The following MYO3B variants were observed in gnomAD, a reference collection of about 807,000 sequenced individuals.
MYO3B encodes the protein myosin IIIB.
MYO3B carries 156 observed loss-of-function variants against 174.6 expected under a neutral mutation model. The ratio of observed to expected loss-of-function variants is 0.89; its 90% confidence interval spans 0.78 to 1.02. The LOEUF (loss-of-function observed/expected upper bound fraction) is 1.02. Among genes scored for constraint, MYO3B ranks in the 50% least tolerant of loss-of-function variants. The probability of loss-of-function intolerance (pLI) is 0.00; values close to 1 mark genes in which losing one functional copy is unlikely to be tolerated. For missense variants in MYO3B, 1,632 were observed against 1,639.4 expected (o/e 1.00, Z 0.08); for synonymous variants, 563 against 569.1 (o/e 0.99, Z 0.15).
intron 23 of MYO3B, among the ~76,000 whole-genome samples, chr2:170,447,556 A>G (rs1683297442): frequency 6.6e-6 from 1 of 152,184 alleles, no homozygotes; most frequent in Non-Finnish European, 1.5e-5. Flanking sequence ...TTAGTTGACA[A>G]ATGAGGCAAA....
chr2:170,235,662 T>G (rs1352460195), intron 6 of MYO3B, among the ~76,000 whole-genome samples: 1 of 152,220 alleles, frequency 6.6e-6, no homozygotes, highest in Non-Finnish European at 1.5e-5. Context: ...AGGTGAAGGA[T>G]GTAGACAAAG....
Position 170,652,089 on chromosome 2 carries a change from T to G in MYO3B, c.3841-19T>G, listed in dbSNP as rs746219970. 15 of 1,609,634 alleles carry G rather than the reference T, an allele frequency of 9.3e-6. No individual in the cohort carries two copies. Among genetic ancestry groups the G allele is most frequent in the Non-Finnish European group, 1.3e-5 (15 of 1,178,980 alleles). ...CTTGCTGCTTTGCTTTGACTGTGTG[T>G]TCTTGGCCCTCTCCACAGGGAACTC... On this transcript the variant is annotated intron_variant, in intron 33 of 34. Transcript: ENST00000408978.
At chr2:170,297,599 G>A (rs1022501694) in intron 7 of MYO3B, among the ~76,000 whole-genome samples, 1 of 152,182 alleles carries the variant, frequency 6.6e-6, no homozygotes, top group African/African-American at 2.4e-5. Flanking sequence ...GCATTTTAAT[G>A]TGATTGCGAT....
At chr2:170,498,198 A>G (rs1221945961) in intron 25 of MYO3B, among the ~76,000 whole-genome samples, 1 of 152,182 alleles carries the variant, frequency 6.6e-6, no homozygotes. Flanking sequence ...GGACTTTGCA[A>G]AGCAGAGTCA....
At chr2:170,554,929 C>T (rs1691182848) in intron 32 of MYO3B, among the ~76,000 whole-genome samples, 1 of 152,202 alleles carries the variant, frequency 6.6e-6, no homozygotes, top group Non-Finnish European at 1.5e-5. Flanking sequence ...ACAACACATA[C>T]TCTCAAGACT....
chr2:170,454,735 T>G (rs1446980844), intron 23 of MYO3B, among the ~76,000 whole-genome samples: 1 of 152,160 alleles, frequency 6.6e-6, no homozygotes, highest in Admixed American at 6.5e-5. Flanking sequence ...AGCCAATTGA[T>G]CAAGACAGGG....
At chr2:170,471,512 G>A (rs927420231) in intron 25 of MYO3B, among the ~76,000 whole-genome samples, 2 of 152,006 alleles carry the variant, frequency 1.3e-5, no homozygotes, top group African/African-American at 4.8e-5. Context: ...CATTATTCTG[G>A]GAGTTTTGTA....
intron 32 of MYO3B, among the ~76,000 whole-genome samples, chr2:170,619,139 T>C (rs1040478953): frequency 6.6e-6 from 1 of 152,152 alleles, no homozygotes; most frequent in Non-Finnish European, 1.5e-5. Flanking sequence ...TCTAGCCCTA[T>C]CTTATCCATA....
intron 7 of MYO3B, among the ~76,000 whole-genome samples, chr2:170,287,398 CTT>C (rs60504137): frequency 3.0e-4 from 45 of 148,744 alleles, no homozygotes; most frequent in Admixed American, 4.0e-4. Flanking sequence ...CTGTTATTGC[CTT>C]TTTTTTTTTC....
intron 25 of MYO3B, among the ~76,000 whole-genome samples, chr2:170,489,081 G>A (rs1220838357): frequency 6.6e-6 from 1 of 152,198 alleles, no homozygotes; most frequent in Non-Finnish European, 1.5e-5. Flanking sequence ...GGTGCACACA[G>A]GAAGAGCTAG....
chr2:170,187,975 T>C (rs2092487771), intron 1 of MYO3B, among the ~76,000 whole-genome samples: 1 of 152,226 alleles, frequency 6.6e-6, no homozygotes, highest in Admixed American at 6.5e-5. Context: ...AACTATCTAA[T>C]AGGTCCATTT....
chr2:170,215,558 C>T (rs551442902), intron 5 of MYO3B, among the ~76,000 whole-genome samples: 3 of 151,726 alleles, frequency 2.0e-5, no homozygotes, highest in Admixed American at 1.3e-4. Flanking sequence ...ACACTTTAAA[C>T]GTGTTTTTTT....
chr2:170,258,941 A>C (rs1178580911), intron 7 of MYO3B, among the ~76,000 whole-genome samples: 1 of 152,178 alleles, frequency 6.6e-6, no homozygotes, highest in Non-Finnish European at 1.5e-5. Flanking sequence ...ACTGAGAGCC[A>C]AATCAAGAAC....
intron 32 of MYO3B, among the ~76,000 whole-genome samples, chr2:170,638,608 G>A (rs1697719752): frequency 6.6e-6 from 1 of 152,110 alleles, no homozygotes; most frequent in Non-Finnish European, 1.5e-5. Flanking sequence ...GGGCCTCTGG[G>A]CTAATGGTTC....
chr2:170,191,796 T>C (rs2161913), intron 1 of MYO3B, among the ~76,000 whole-genome samples: 1 of 152,064 alleles, frequency 6.6e-6, no homozygotes, highest in Non-Finnish European at 1.5e-5. Context: ...CAGATATTGT[T>C]ATCACTCATC....
At chr2:170,652,229 A>G in intron 34 of MYO3B, 75 bp downstream of exon 34, 1 of 1,363,938 alleles carries the variant, frequency 7.3e-7, no homozygotes, top group Middle Eastern at 1.8e-4. Flanking sequence ...AAAATGCAAA[A>G]CTTTCCAGAG....
At chr2:170,485,386 AACAC>A (rs370436580) in intron 25 of MYO3B, among the ~76,000 whole-genome samples, 11,691 of 136,402 alleles carry the variant, frequency 0.086, 577 homozygotes, top group South Asian at 0.21. Flanking sequence ...ATCCTTTCAG[AACAC>A]ACACACACAC....
intron 32 of MYO3B, among the ~76,000 whole-genome samples, chr2:170,594,955 T>G (rs1411005383): frequency 6.6e-6 from 1 of 151,896 alleles, no homozygotes; most frequent in Non-Finnish European, 1.5e-5. Flanking sequence ...TTGACCCAGC[T>G]GAATTTGTGG....
chr2:170,470,775 T>A (rs1222899401), intron 25 of MYO3B, among the ~76,000 whole-genome samples: 2 of 152,198 alleles, frequency 1.3e-5, no homozygotes, highest in Non-Finnish European at 2.9e-5. Context: ...TTCTAGTTGA[T>A]GTGAAGTGGC....
Sources: allele counts gnomAD v4.1 joint callset (sites outside exome capture counted in the v4.1 genomes callset), GRCh38; gene constraint gnomAD v4.1.1; transcripts MANE v1.5; gene names NCBI Gene and HGNC (gene_info 2026-07-23, HGNC 2026-07-21).